The following CELA1 variants were observed in gnomAD, a reference collection of about 807,000 sequenced individuals.
CELA1 encodes chymotrypsin like elastase 1.
CELA1 carries 28 observed loss-of-function variants against 34.8 expected under a neutral mutation model. The ratio of observed to expected loss-of-function variants is 0.80; its 90% CI spans 0.60 to 1.10. The LOEUF is 1.10. Ranked by LOEUF, CELA1 falls within the 50% of genes least tolerant of loss-of-function variation. The pLI is 0.00. For missense variants in CELA1, 288 were observed against 327.5 expected (o/e 0.88, Z 0.93); for synonymous variants, 140 against 129.8 (o/e 1.08, Z -0.53).
At chr12:51,332,999 G>A (rs1157543535) in intron 6 of CELA1, among the ~76,000 whole-genome samples, 3 of 151,622 alleles carry the variant, frequency 2.0e-5, no homozygotes, top group Non-Finnish European at 4.4e-5. Flanking sequence ...GTGCCATTTC[G>A]GCTCACTGCA....
At chr12:51,329,649 G>T in intron 7 of CELA1, 35 bp downstream of exon 7, 1 of 1,571,024 alleles carries the variant, frequency 6.4e-7, no homozygotes, top group South Asian at 1.2e-5. Context: ...GTCTCCAGGT[G>T]ACCCCATTTC....
chr12:51,334,198 G>T (rs1592295799), intron 6 of CELA1, among the ~76,000 whole-genome samples: 1 of 152,188 alleles, frequency 6.6e-6, no homozygotes, highest in Non-Finnish European at 1.5e-5. Context: ...GAGAGCACAG[G>T]CATGTGTATT....
At chr12:51,341,647 G>C (rs1171923566) in intron 4 of CELA1, among the ~76,000 whole-genome samples, 1 of 152,130 alleles carries the variant, frequency 6.6e-6, no homozygotes, top group Non-Finnish European at 1.5e-5. Flanking sequence ...TAGAGAATGG[G>C]GGAATCTGAA....
chr12:51,332,643 T>A (rs1048363522), intron 6 of CELA1, among the ~76,000 whole-genome samples: 2 of 152,006 alleles, frequency 1.3e-5, no homozygotes, highest in African/African-American at 4.8e-5. Context: ...GGTGGGTGGA[T>A]CACGTGACGC....
intron 6 of CELA1, among the ~76,000 whole-genome samples, chr12:51,338,642 T>A (rs564844624): frequency 6.6e-6 from 1 of 152,310 alleles, no homozygotes; most frequent in East Asian, 1.9e-4. Flanking sequence ...GGCTTCCATA[T>A]CACCTGTGCA....
At position 51,337,539 on chromosome 12, in the gene CELA1, C is replaced by CAAAA. The variant is rs33950532; in HGVS notation, c.609+2317_609+2320dup. ...GTGACAGAGCAAGACCTTATCTCTT[C>CAAAA]AAAAAAAAAAAAAAAAAAAAAAAGC... is the stretch of plus-strand genomic sequence containing the variant. On this transcript the variant is annotated intron_variant, in intron 6 of 7. Transcript: ENST00000293636. Among the ~76,000 whole-genome samples, 194 of 69,234 alleles carry CAAAA rather than the reference C, an allele frequency of 2.8e-3. 19 individuals carry two copies. The highest frequency in any genetic ancestry group is 8.9e-3 in the African/African-American group (140 of 15,710). 45.4% of individuals were successfully genotyped at this position (69,234 alleles called of 152,430 possible).
At chr12:51,333,537 T>C (rs745447376) in intron 6 of CELA1, among the ~76,000 whole-genome samples, 4 of 151,924 alleles carry the variant, frequency 2.6e-5, no homozygotes, top group Non-Finnish European at 4.4e-5. Context: ...GGGACCACAG[T>C]GTGCGCCACC....
chr12:51,339,005 G>A (rs1416197179), intron 6 of CELA1, among the ~76,000 whole-genome samples: 5 of 152,088 alleles, frequency 3.3e-5, no homozygotes, highest in Non-Finnish European at 7.4e-5. Flanking sequence ...GATAGTTTAT[G>A]GCTGATTGAT....
intron 2 of CELA1, among the ~76,000 whole-genome samples, chr12:51,344,867 G>C (rs1946556501): frequency 1.3e-5 from 2 of 152,106 alleles, no homozygotes; most frequent in African/African-American, 4.8e-5. Flanking sequence ...GCTCATGCCT[G>C]TAATCCCAGC....
At chr12:51,336,026 C>T (rs1188821317) in intron 6 of CELA1, among the ~76,000 whole-genome samples, 1 of 152,196 alleles carries the variant, frequency 6.6e-6, no homozygotes, top group Non-Finnish European at 1.5e-5. Flanking sequence ...GCCAAGGTTA[C>T]AATTGCCAAA....
intron 6 of CELA1, among the ~76,000 whole-genome samples, chr12:51,337,867 T>C (rs1007503197): frequency 6.8e-6 from 1 of 146,348 alleles, no homozygotes; most frequent in Non-Finnish European, 1.5e-5. Context: ...ACCATGATGG[T>C]ACAACTGAAC....
chr12:51,337,649 C>T (rs562020600), intron 6 of CELA1, among the ~76,000 whole-genome samples: 124 of 149,932 alleles, frequency 8.3e-4, no homozygotes, highest in Non-Finnish European at 1.4e-3. Context: ...ATATATTCTT[C>T]ATGTGTCATG....
intron 6 of CELA1, among the ~76,000 whole-genome samples, chr12:51,330,092 CAT>C (rs1169405441): frequency 2.6e-5 from 4 of 152,190 alleles, no homozygotes; most frequent in African/African-American, 9.7e-5. Flanking sequence ...CCTCCTCACA[CAT>C]GTCTATGAGC....
chr12:51,344,253 A>G (rs1401884304), intron 2 of CELA1, among the ~76,000 whole-genome samples: 1 of 152,200 alleles, frequency 6.6e-6, no homozygotes, highest in Non-Finnish European at 1.5e-5. Flanking sequence ...GGGATGCTCC[A>G]TCGCTTGGTG....
chr12:51,343,814 T>C lies in CELA1; in HGVS notation c.139A>G (p.Thr47Ala). 2 of 1,610,246 alleles carry C rather than the reference T, an allele frequency of 1.2e-6. No individual in the cohort carries two copies. Among genetic ancestry groups the C allele is most frequent in the African/African-American group, 2.7e-5 (2 of 74,954 alleles). The change falls in exon 3 of 8, where the codon ACC becomes GCC. Residue 47 changes from threonine (T) to alanine (A), a missense_variant. Transcript: ENST00000293636. The stretch of plus-strand genomic sequence containing the variant: ...TGTCTGATAAGGGTCCCTCCACAGG[T>C]GTGATACCGGGAACCTCCAGACCGG... ...QYRSGGSRYH[T>A]CGGTLIRQNW...
At chr12:51,341,095 T>G in intron 5 of CELA1, 149 bp downstream of exon 5, 1 of 716,536 alleles carries the variant, frequency 1.4e-6, no homozygotes, top group Non-Finnish European at 2.3e-6. Context: ...ATTCTTAGCT[T>G]GATATAATGC....
intron 3 of CELA1, 56 bp from the exon 4 acceptor site, chr12:51,342,756 C>T: frequency 1.3e-6 from 2 of 1,555,144 alleles, no homozygotes; most frequent in Admixed American, 2.1e-5. Context: ...CTTCTCTACC[C>T]CACTTAGAGA....
At chr12:51,334,005 T>A (rs1214280545) in intron 6 of CELA1, among the ~76,000 whole-genome samples, 1 of 150,634 alleles carries the variant, frequency 6.6e-6, no homozygotes, top group Non-Finnish European at 1.5e-5. Flanking sequence ...AAATGGGAGG[T>A]TCTAAGTGAA....
chr12:51,343,929 T>C, intron 2 of CELA1, 76 bp from the exon 3 acceptor site: 1 of 760,496 alleles, frequency 1.3e-6, no homozygotes. Context: ...TTGCAGTGGC[T>C]CATGCCAGTA....
Sources: allele counts gnomAD v4.1 joint callset (sites outside exome capture counted in the v4.1 genomes callset), GRCh38; gene constraint gnomAD v4.1.1; transcripts MANE v1.5; gene names NCBI Gene and HGNC (gene_info 2026-07-23, HGNC 2026-07-21).